Variants in RSRC1 observed in about 807,000 individuals in gnomAD.
RSRC1 encodes the protein serine/Arginine-related protein 53.
In RSRC1, 39 loss-of-function variants were observed where a neutral mutation model predicts 49.1. The observed-to-expected ratio is 0.79, with a 90% confidence interval of 0.61 to 1.04. The LOEUF (loss-of-function observed/expected upper bound fraction) is 1.04, where lower values mean the gene tolerates loss of function less well. Ranked by LOEUF, RSRC1 falls within the 50% of genes least tolerant of loss-of-function variation. The pLI is 0.00. For synonymous variants in RSRC1, 143 were observed against 130.8 expected, an observed-to-expected ratio of 1.09 and a Z score of -0.63; for missense variants, 388 against 402.4, an observed-to-expected ratio of 0.96 and a Z score of 0.31.
chr3:158,429,614 A>G (rs978277127), intron 6 of RSRC1, among the ~76,000 whole-genome samples: 13 of 149,744 alleles, frequency 8.7e-5, no homozygotes, highest in African/African-American at 3.0e-4. Context: ...TCTGGAATCT[A>G]TATATGTGTG....
At chr3:158,372,580 T>G (rs978365929) in intron 6 of RSRC1, among the ~76,000 whole-genome samples, 7 of 152,082 alleles carry the variant, frequency 4.6e-5, no homozygotes, top group Admixed American at 2.0e-4. Flanking sequence ...TAGTTAGTGA[T>G]TTCTCTAACT....
intron 6 of RSRC1, among the ~76,000 whole-genome samples, chr3:158,442,620 T>C (rs1214004100): frequency 2.0e-5 from 3 of 152,068 alleles, no homozygotes; most frequent in African/African-American, 7.2e-5. Flanking sequence ...AAGCTACTTC[T>C]TCCAAACCCC....
At chr3:158,452,888 A>G (rs926579984) in intron 6 of RSRC1, among the ~76,000 whole-genome samples, 12 of 152,148 alleles carry the variant, frequency 7.9e-5, no homozygotes, top group Non-Finnish European at 2.9e-5. Flanking sequence ...CTGCTGTGCC[A>G]CATTCTAGTT....
At chr3:158,383,012 T>C (rs966771406) in intron 6 of RSRC1, among the ~76,000 whole-genome samples, 8 of 152,304 alleles carry the variant, frequency 5.3e-5, no homozygotes, top group African/African-American at 1.9e-4. Flanking sequence ...CTCTGTCAGA[T>C]TAATTAGAGT....
intron 7 of RSRC1, among the ~76,000 whole-genome samples, chr3:158,511,168 C>T (rs889851535): frequency 1.3e-5 from 2 of 151,908 alleles, no homozygotes; most frequent in African/African-American, 4.8e-5. Flanking sequence ...AGGTTAGTTA[C>T]ATATGTATAC....
At chr3:158,204,197 A>G (rs1354327265) in intron 4 of RSRC1, among the ~76,000 whole-genome samples, 1 of 152,198 alleles carries the variant, frequency 6.6e-6, no homozygotes, top group Non-Finnish European at 1.5e-5. Context: ...TAAAAGATAC[A>G]GAACTCTTTC....
chr3:158,201,639 A>G (rs1225579338), intron 3 of RSRC1, among the ~76,000 whole-genome samples: 1 of 152,084 alleles, frequency 6.6e-6, no homozygotes, highest in African/African-American at 2.4e-5. Context: ...TGTGCTTTTA[A>G]TCTCATCCAG....
chr3:158,335,846 T>C (rs1729852871), intron 5 of RSRC1, among the ~76,000 whole-genome samples: 1 of 152,250 alleles, frequency 6.6e-6, no homozygotes, highest in Non-Finnish European at 1.5e-5. Flanking sequence ...GATGAACAGT[T>C]AGAATCTATG....
chr3:158,367,967 G>A (rs1189774943), intron 6 of RSRC1, among the ~76,000 whole-genome samples: 1 of 152,034 alleles, frequency 6.6e-6, no homozygotes, highest in Non-Finnish European at 1.5e-5. Context: ...CTTAAAAAGT[G>A]TAAGTTGTTT....
chr3:158,502,017 T>C (rs1479135088), intron 7 of RSRC1, among the ~76,000 whole-genome samples: 1 of 152,222 alleles, frequency 6.6e-6, no homozygotes, highest in East Asian at 1.9e-4. Context: ...CCAGGATTCA[T>C]TTCAAGATTT....
At chr3:158,398,439 C>T (rs947266519) in intron 6 of RSRC1, among the ~76,000 whole-genome samples, 3 of 151,990 alleles carry the variant, frequency 2.0e-5, no homozygotes, top group Non-Finnish European at 4.4e-5. Flanking sequence ...GCAGCTTCAC[C>T]GTAGAAGGGG....
Position 158,112,711 on chromosome 3 carries a change from A to G in RSRC1, c.-3+2488A>G, listed in dbSNP as rs1379703667. ...TGTGCAGGATGTGGAGGTTTATTAC[A>G]TAAGTAAACATGTGCCATGGTGGTT... is the stretch of plus-strand genomic sequence containing the variant. On this transcript the variant is annotated intron_variant, in intron 1 of 9. Transcript: ENST00000611884. Among the ~76,000 whole-genome samples the G allele has an allele frequency of 2.6e-5, 4 of 152,192 alleles. 1 individual carries two copies. Among genetic ancestry groups the G allele is most frequent in the African/African-American group, 9.7e-5 (4 of 41,428 alleles).
intron 7 of RSRC1, among the ~76,000 whole-genome samples, chr3:158,476,429 C>T (rs752406342): frequency 6.6e-6 from 1 of 152,102 alleles, no homozygotes; most frequent in South Asian, 2.1e-4. Flanking sequence ...TGTCTGATGT[C>T]AAAGCTTCGA....
intron 5 of RSRC1, among the ~76,000 whole-genome samples, chr3:158,304,832 A>G (rs1385821482): frequency 6.6e-6 from 1 of 152,162 alleles, no homozygotes; most frequent in African/African-American, 2.4e-5. Context: ...TCTTCTTTCT[A>G]CAAGACCAAT....
intron 4 of RSRC1, among the ~76,000 whole-genome samples, chr3:158,246,199 A>G (rs1337637573): frequency 6.7e-6 from 1 of 149,066 alleles, no homozygotes; most frequent in African/African-American, 2.5e-5. Flanking sequence ...TTGAACAATG[A>G]GAACACAGGG....
At chr3:158,187,308 G>A (rs1719987972) in intron 3 of RSRC1, among the ~76,000 whole-genome samples, 1 of 151,880 alleles carries the variant, frequency 6.6e-6, no homozygotes, top group Admixed American at 6.6e-5. Context: ...GTAATAATAG[G>A]GGAAAGTGTT....
At chr3:158,375,582 C>A (rs1362153205) in intron 6 of RSRC1, among the ~76,000 whole-genome samples, 1 of 151,970 alleles carries the variant, frequency 6.6e-6, no homozygotes, top group Non-Finnish European at 1.5e-5. Flanking sequence ...TTTAGTGAGG[C>A]AAACACATTT....
At chr3:158,314,921 A>G (rs776526551) in intron 5 of RSRC1, among the ~76,000 whole-genome samples, 5 of 152,124 alleles carry the variant, frequency 3.3e-5, no homozygotes, top group Admixed American at 2.6e-4. Context: ...AATCCCAGCT[A>G]TAGAGGAGGC....
chr3:158,328,910 A>G (rs1047950435), intron 5 of RSRC1, among the ~76,000 whole-genome samples: 5 of 152,110 alleles, frequency 3.3e-5, no homozygotes, highest in Admixed American at 1.3e-4. Flanking sequence ...ACATAGTCCC[A>G]TATTTCTTGG....
Sources: allele counts gnomAD v4.1 joint callset (sites outside exome capture counted in the v4.1 genomes callset), GRCh38; gene constraint gnomAD v4.1.1; transcripts MANE v1.5; gene names NCBI Gene and HGNC (gene_info 2026-07-23, HGNC 2026-07-21).